PPARGC1A: variants seen among roughly 807,000 people sequenced by gnomAD.
PPARGC1A encodes peroxisome proliferator-activated receptor gamma coactivator 1-alpha.
A neutral mutation model predicts 88.7 loss-of-function variants in PPARGC1A; 25 were observed. That is an observed-to-expected ratio of 0.28 (90% confidence interval 0.21 to 0.39). The LOEUF (loss-of-function observed/expected upper bound fraction) is 0.39, where lower values mean the gene tolerates loss of function less well. Among genes scored for constraint, PPARGC1A ranks in the 10% least tolerant of loss-of-function variants. The probability of loss-of-function intolerance (pLI) is 1.00; values close to 1 mark genes in which losing one functional copy is unlikely to be tolerated. For missense variants in PPARGC1A, 880 were observed against 968.7 expected, an observed-to-expected ratio of 0.91 and a Z score of 1.22; for synonymous variants, 363 against 355.6, an observed-to-expected ratio of 1.02 and a Z score of -0.24.
At chr4:24,307,470 G>A in the PPARGC1A span, among the ~76,000 whole-genome samples, 7 of 152,210 alleles carry the variant, frequency 4.6e-5, no homozygotes, top group Admixed American at 1.3e-4. Context: ...GGCACATGGT[G>A]TATGCCTGGC....
chr4:23,984,189 C>T, the PPARGC1A span, among the ~76,000 whole-genome samples: 126,042 of 151,998 alleles, frequency 0.83, 52,372 homozygotes, highest in Non-Finnish European at 0.84. Flanking sequence ...ATGACCAACT[C>T]ATTTTCCTCC....
chr4:23,854,136 G>A (rs1729781216), intron 2 of PPARGC1A, among the ~76,000 whole-genome samples: 1 of 152,224 alleles, frequency 6.6e-6, no homozygotes, highest in African/African-American at 2.4e-5. Context: ...GACAGGAGCA[G>A]TGAAAATACA....
At chr4:24,260,132 T>G in the PPARGC1A span, among the ~76,000 whole-genome samples, 78 of 152,344 alleles carry the variant, frequency 5.1e-4, no homozygotes, top group Middle Eastern at 3.4e-3. Context: ...ATTTTCTGAT[T>G]TAATAGCACT....
the PPARGC1A span, among the ~76,000 whole-genome samples, chr4:24,460,466 T>C: frequency 6.6e-6 from 1 of 152,210 alleles, no homozygotes; most frequent in South Asian, 2.1e-4. Context: ...TGTATGTTAA[T>C]AGAGATAAAC....
At chr4:24,443,318 G>T in the PPARGC1A span, among the ~76,000 whole-genome samples, 1 of 150,982 alleles carries the variant, frequency 6.6e-6, no homozygotes, top group Non-Finnish European at 1.5e-5. Context: ...GGGAAGGAAG[G>T]TCCAGTCCAG....
rs569307371 is a variant in PPARGC1A at position 23,883,105 on chromosome 4, T to C, written c.234+1647A>G. 2.0e-5 allele frequency: 3 copies of C among 152,322 alleles called. No individual in the cohort carries two copies. In the East Asian group the frequency reaches 5.8e-4, roughly 29 times the overall value. 9.4% of individuals were successfully genotyped at this position (152,322 alleles called of 1,614,324 possible). ...CTTGACAAGTGTACTGAGTGAGGAA[T>C]GTTCAATTTACCAGTTCTAACTGGC... On this transcript the variant is annotated intron_variant, in intron 2 of 12. Transcript: ENST00000264867.
At chr4:24,274,244 G>T in the PPARGC1A span, among the ~76,000 whole-genome samples, 158 of 152,164 alleles carry the variant, frequency 1.0e-3, 1 homozygote, top group African/African-American at 3.6e-3. Context: ...TTTAGGTAAA[G>T]TGTCACTGTT....
intron 2 of PPARGC1A, among the ~76,000 whole-genome samples, chr4:23,874,327 G>A (rs58535886): frequency 0.039 from 5,972 of 152,272 alleles, 135 homozygotes; most frequent in Non-Finnish European, 0.05. Context: ...GCTGCAGCTC[G>A]CAGAAACAGA....
chr4:24,163,560 G>A, the PPARGC1A span, among the ~76,000 whole-genome samples: 1 of 152,040 alleles, frequency 6.6e-6, no homozygotes, highest in Non-Finnish European at 1.5e-5. Flanking sequence ...CTCACCAAAG[G>A]GAAATCGGAA....
At chr4:23,869,403 C>T (rs1380704995) in intron 2 of PPARGC1A, among the ~76,000 whole-genome samples, 1 of 152,038 alleles carries the variant, frequency 6.6e-6, no homozygotes, top group Non-Finnish European at 1.5e-5. Flanking sequence ...AGGGTTGTGG[C>T]CCGACCAAGG....
the PPARGC1A span, among the ~76,000 whole-genome samples, chr4:24,448,394 A>G: frequency 6.6e-6 from 1 of 152,176 alleles, no homozygotes; most frequent in Admixed American, 6.5e-5. Flanking sequence ...TTTATGCAAG[A>G]GCCCCTCACT....
chr4:23,844,789 AAT>A (rs1250044855), intron 2 of PPARGC1A, among the ~76,000 whole-genome samples: 1,521 of 120,986 alleles, frequency 0.013, 30 homozygotes, highest in Non-Finnish European at 0.02. Flanking sequence ...ATATTATAAT[AAT>A]ATATGATATA....
the PPARGC1A span, among the ~76,000 whole-genome samples, chr4:24,068,834 T>C: frequency 9.3e-4 from 141 of 152,206 alleles, no homozygotes; most frequent in African/African-American, 3.1e-3. Flanking sequence ...CATGAGAGAG[T>C]TCACTCTCAT....
chr4:24,217,691 T>C, the PPARGC1A span, among the ~76,000 whole-genome samples: 4 of 152,098 alleles, frequency 2.6e-5, no homozygotes, highest in Admixed American at 1.3e-4. Flanking sequence ...TAGTCCCAGC[T>C]ACCCAGGAGG....
chr4:24,220,482 T>A, the PPARGC1A span, among the ~76,000 whole-genome samples: 1 of 152,148 alleles, frequency 6.6e-6, no homozygotes, highest in African/African-American at 2.4e-5. Context: ...CAGGTACCCA[T>A]CAACGGTGGA....
At chr4:24,162,555 T>A in the PPARGC1A span, among the ~76,000 whole-genome samples, 1 of 151,826 alleles carries the variant, frequency 6.6e-6, no homozygotes, top group Admixed American at 6.6e-5. Flanking sequence ...GATACATATG[T>A]TAAGGGCCTT....
the PPARGC1A span, among the ~76,000 whole-genome samples, chr4:24,087,578 T>G: frequency 2.7e-3 from 416 of 152,320 alleles, 5 homozygotes; most frequent in East Asian, 0.051. Context: ...ACATCCCATC[T>G]TCCCTCCAAG....
chr4:24,307,552 C>T, the PPARGC1A span, among the ~76,000 whole-genome samples: 7 of 152,106 alleles, frequency 4.6e-5, no homozygotes, highest in Non-Finnish European at 8.8e-5. Flanking sequence ...GCTTAGCTAT[C>T]CCCAAAATAA....
At chr4:23,970,668 T>C in the PPARGC1A span, among the ~76,000 whole-genome samples, 1 of 152,302 alleles carries the variant, frequency 6.6e-6, no homozygotes, top group African/African-American at 2.4e-5. Flanking sequence ...CCTTGATCAA[T>C]TTATTCTGGT....
Sources: allele counts gnomAD v4.1 joint callset (sites outside exome capture counted in the v4.1 genomes callset), GRCh38; gene constraint gnomAD v4.1.1; transcripts MANE v1.5; gene names NCBI Gene and HGNC (gene_info 2026-07-23, HGNC 2026-07-21).